CYP11B1: variants seen among roughly 807,000 people sequenced by gnomAD.
The protein encoded by CYP11B1 is cytochrome P450 family 11 subfamily B member 1, also known as cytochrome P450 11B1, mitochondrial.
CYP11B1 carries 34 observed loss-of-function variants against 48.3 expected under a neutral mutation model. That is an observed-to-expected ratio of 0.70 (90% CI 0.54 to 0.94). CYP11B1 has a LOEUF of 0.94. CYP11B1 is among the 40% of genes least tolerant of loss of function. CYP11B1 has a pLI of 0.00. For missense variants in CYP11B1, 688 were observed against 657.4 expected (o/e 1.05, Z -0.51); for synonymous variants, 291 against 262.5 (o/e 1.11, Z -1.05).
At chr8:142,876,093 G>T in intron 5 of CYP11B1, 148 bp downstream of exon 5, 1 of 1,253,886 alleles carries the variant, frequency 8.0e-7, no homozygotes, top group South Asian at 1.3e-5. Context: ...ACCTGCAAAC[G>T]TGTTTATCAC....
At chr8:142,877,892 A>G (rs1227375385) in intron 2 of CYP11B1, 27 of 1,434,154 alleles carry the variant, frequency 1.9e-5, no homozygotes, top group South Asian at 3.6e-5. Flanking sequence ...GTTGACAGTG[A>G]TGGCAGGCAG....
intron 5 of CYP11B1, 36 bp from the exon 6 acceptor site, chr8:142,875,914 C>T: frequency 6.2e-7 from 1 of 1,612,796 alleles, no homozygotes; most frequent in South Asian, 1.1e-5. Context: ...AGACCTTGCA[C>T]AGGAGGACTC....
At chr8:142,875,176 G>C in intron 7 of CYP11B1, 22 bp from the exon 8 acceptor site, 1 of 1,614,248 alleles carries the variant, frequency 6.2e-7, no homozygotes, top group Non-Finnish European at 8.5e-7. Flanking sequence ...GCAGAGCGGG[G>C]ATCAGGGAAT....
chr8:142,874,299 G>T lies in CYP11B1; in HGVS notation c.*74C>A. 9.9e-7 allele frequency: 1 copy of T among 1,010,772 alleles called. No homozygotes were observed. The allele number at this position is 1,010,772 out of a possible 1,614,324, so 62.6% of individuals were successfully genotyped here. ...CTCAGGAAGCTGTGCATGTGGGAGA[G>T]AAGAGGGGTGGCCTGGGGTCAGGCA... is the stretch of plus-strand genomic sequence containing the variant. On this transcript the variant is annotated 3_prime_UTR_variant, in exon 9 of 9. Coordinates refer to ENST00000292427, the MANE Select transcript of CYP11B1 (RefSeq NM_000497.4).
chr8:142,877,983 C>G, intron 2 of CYP11B1: 1 of 649,088 alleles, frequency 1.5e-6, no homozygotes, highest in Non-Finnish European at 2.6e-6. Context: ...TGCACAGACA[C>G]TACACCCATG....
In CYP11B1 at chr8:142,879,120, C is replaced by T; in HGVS notation, c.307G>A (p.Val103Met). 3.1e-6 allele frequency: 5 copies of T among 1,614,208 alleles called. No homozygotes were observed. The highest frequency in any genetic ancestry group is 1.7e-5 in the Admixed American group (1 of 60,032). ...ATCCTGTGGGGATGCAGGCTGTCCACCTGTTGCAGCTTCTCCACGTCCTCC... is the reference window on the plus strand; with the variant it reads ...ATCCTGTGGGGATGCAGGCTGTCCATCTGTTGCAGCTTCTCCACGTCCTCC... ...LPEDVEKLQQ[V>M]DSLHPHRMSL... The change falls in exon 2 of 9, where the codon GTG becomes ATG. Residue 103 changes from valine to methionine, a missense_variant. Physicochemically the swap from Val to Met is conservative, Grantham distance 21. Coordinates refer to ENST00000292427, the MANE Select transcript of CYP11B1 (RefSeq NM_000497.4).
Position 142,873,571 on chromosome 8 carries a change from C to G in CYP11B1, c.*802G>C, listed in dbSNP as rs1816851831. 6.6e-6 allele frequency: 1 copy of G among 152,282 alleles called. No homozygotes were observed. Among genetic ancestry groups the G allele is most frequent in the African/African-American group, 2.4e-5 (1 of 41,448 alleles). 9.4% of individuals were successfully genotyped at this position (152,282 alleles called of 1,614,324 possible). On this transcript the variant is annotated 3_prime_UTR_variant, in exon 9 of 9. Transcript: ENST00000292427. ...ATCCTGTCTCTCCTGTTGCCAAAAA[C>G]ATTTCTGGAACCACACCCCAGGTTC...
chr8:142,879,431 C>T (rs771306522), intron 1 of CYP11B1, 144 bp downstream of exon 1: 6 of 1,613,334 alleles, frequency 3.7e-6, no homozygotes, highest in African/African-American at 2.7e-5. Flanking sequence ...CACAGACCAG[C>T]ACGTGCTGCA....
In CYP11B1 at chr8:142,879,082, G is replaced by A; in HGVS notation, c.345C>T (p.Pro115=). ...CACGATGTTGTCTGTAGGCCACCCA[G>A]GGCTCCAGGCTCATCCTGTGGGGAT... ...SLHPHRMSLE[P]WVAYRQHRGH... Residue 115 remains proline, a synonymous_variant, in exon 2 of 9, where the codon CCC becomes CCT. Coordinates refer to ENST00000292427, the MANE Select transcript of CYP11B1 (RefSeq NM_000497.4). 6.2e-7 allele frequency: 1 copy of A among 1,614,170 alleles called. No individual in the cohort carries two copies. The highest frequency in any genetic ancestry group is 8.5e-7 in the Non-Finnish European group (1 of 1,180,032).
In CYP11B1 at chr8:142,877,165, G is replaced by A. The variant is rs1413779055; in HGVS notation, c.453C>T (p.Pro151=). The A allele has an allele frequency of 1.2e-6, 2 of 1,614,192 alleles. No individual in the cohort carries two copies. The highest frequency in any genetic ancestry group is 3.3e-5 in the Admixed American group (2 of 60,028). ...RLRLNPEVLS[P]NAVQRFLPMV... is the part of the protein sequence containing the mutation. ...TCGGGAGGAACCTCTGCACAGCGTT[G>A]GGCGACAGCACTTCTGGATTCAGCC... Residue 151 remains proline (P), a synonymous_variant, in exon 3 of 9, where the codon CCC becomes CCT. Transcript: ENST00000292427.
In CYP11B1 at chr8:142,874,400, G is replaced by C. The variant is rs1477620628; in HGVS notation, c.1485C>G (p.Pro495=). Reference sequence around the variant, plus strand: ...AGTTGATGGCTCTGAAGGTGAGGAGGGGGAACATGCTGGGCCTCAATATGA... The same window carrying C: ...AGTTGATGGCTCTGAAGGTGAGGAGCGGGAACATGCTGGGCCTCAATATGA... ...YSFILRPSMF[P]LLTFRAIN The change falls in exon 9 of 9, where the codon CCC becomes CCG. Residue 495 remains proline (P), a synonymous_variant. Transcript: ENST00000292427. The C allele has an allele frequency of 6.2e-7, 1 of 1,613,704 alleles. No individual in the cohort carries two copies. The highest frequency in any genetic ancestry group is 8.5e-7 in the Non-Finnish European group (1 of 1,179,750).
At position 142,879,097 on chromosome 8, in the gene CYP11B1, C is replaced by A. The variant is rs371431889; in HGVS notation, c.330G>T (p.Arg110Ser). 2 of 1,613,924 alleles carry A rather than the reference C, an allele frequency of 1.2e-6. No individual in the cohort carries two copies. Among genetic ancestry groups the A allele is most frequent in the Non-Finnish European group, 1.7e-6 (2 of 1,179,872 alleles). Residue 110 changes from arginine (R) to serine (S), a missense_variant, in exon 2 of 9, where the codon AGG becomes AGT. Physicochemically the swap from Arg to Ser is moderately radical, Grantham distance 110 (BLOSUM62 -1). Transcript: ENST00000292427. ...LQQVDSLHPHRMSLEPWVAYR... is the reference protein window; with the variant it reads ...LQQVDSLHPHSMSLEPWVAYR... ...AGGCCACCCAGGGCTCCAGGCTCAT[C>A]CTGTGGGGATGCAGGCTGTCCACCT...
Position 142,876,350 on chromosome 8 carries a change from CG to C in CYP11B1, c.844del (p.Arg282AlafsTer14). 6.2e-7 allele frequency: 1 copy of C among 1,614,176 alleles called. No individual in the cohort carries two copies. The highest frequency in any genetic ancestry group is 8.5e-7 in the Non-Finnish European group (1 of 1,179,998). ...QKIYQELAFSRPQQYTSIVAE... is the reference protein window; with the variant it reads ...QKIYQELAFSXPQQYTSIVAE... ...CACGATGCTGGTGTACTGTTGAGGG[CG>C]GCTGAAGGCCAGTTCCTGATAGATT... On this transcript the variant is annotated frameshift_variant, in exon 5 of 9. Coordinates refer to ENST00000292427, the MANE Select transcript of CYP11B1 (RefSeq NM_000497.4). LOFTEE classifies it high-confidence loss of function.
At chr8:142,876,187 TG>T (rs1233834475) in intron 5 of CYP11B1, 53 bp downstream of exon 5, 9 of 1,613,004 alleles carry the variant, frequency 5.6e-6, no homozygotes, top group Middle Eastern at 1.7e-4. Context: ...AGGCAGTGCC[TG>T]GGAGGCAGGC....
chr8:142,879,218 T>TG, intron 1 of CYP11B1, 31 bp from the exon 2 acceptor site: 1 of 1,613,694 alleles, frequency 6.2e-7, no homozygotes. Context: ...CCGTGCTGGA[T>TG]GGGACCATGT....
At position 142,879,805 on chromosome 8, in the gene CYP11B1, G is replaced by A. The variant is rs200581194; in HGVS notation, c.9C>T (p.Leu3=). MA[L]RAKAEVCMAV... is the part of the protein sequence containing the mutation. ...CCATGCACACCTCTGCCTTTGCCCTGAGTGCCATTCCAATGCTCCCTCCAC... is the reference window on the plus strand; with the variant it reads ...CCATGCACACCTCTGCCTTTGCCCTAAGTGCCATTCCAATGCTCCCTCCAC... The change falls in exon 1 of 9, where the codon CTC becomes CTT. Residue 3 remains leucine (L), a synonymous_variant. Coordinates refer to ENST00000292427, the MANE Select transcript of CYP11B1 (RefSeq NM_000497.4). 17 of 1,613,660 alleles carry A rather than the reference G, an allele frequency of 1.1e-5. No individual in the cohort carries two copies. Among genetic ancestry groups the A allele is most frequent in the Non-Finnish European group, 1.4e-5 (17 of 1,180,028 alleles).
chr8:142,875,855 C>T lies in CYP11B1; in HGVS notation c.978G>A (p.Thr326=), dbSNP rs770920883. 2.5e-6 allele frequency: 4 copies of T among 1,614,130 alleles called. No homozygotes were observed. Among genetic ancestry groups the T allele is most frequent in the Non-Finnish European group, 3.4e-6 (4 of 1,180,006 alleles). ...VDTTVFPLLM[T]LFELARNPNV... is the part of the protein sequence containing the mutation. The stretch of plus-strand genomic sequence containing the variant: ...TGGGGTTCCGAGCCAGCTCAAAGAG[C>T]GTCATCAGCAAGGGAAACACCGTCT... The change falls in exon 6 of 9, where the codon ACG becomes ACA. Residue 326 remains threonine (T), a synonymous_variant. Coordinates refer to ENST00000292427, the MANE Select transcript of CYP11B1 (RefSeq NM_000497.4).
At chr8:142,876,576 C>T (rs1816958090) in intron 4 of CYP11B1, 106 bp downstream of exon 4, 2 of 1,551,482 alleles carry the variant, frequency 1.3e-6, no homozygotes, top group Non-Finnish European at 8.7e-7. Context: ...TGAGGAATCC[C>T]CGACCCCTCC....
intron 2 of CYP11B1, 91 bp downstream of exon 2, chr8:142,878,941 A>G: frequency 6.5e-7 from 1 of 1,550,200 alleles, no homozygotes. Flanking sequence ...ACAGGGGCCC[A>G]GGGCAGATGT....
Sources: allele counts gnomAD v4.1 joint callset, GRCh38; gene constraint gnomAD v4.1.1; transcripts MANE v1.5; gene names NCBI Gene and HGNC (gene_info 2026-07-23, HGNC 2026-07-21).